CNTLN: variants seen among roughly 807,000 people sequenced by gnomAD.
CNTLN encodes centlein, centrosomal protein.
A neutral mutation model predicts 180.0 loss-of-function variants in CNTLN; 212 were observed. The observed-to-expected ratio is 1.18, with a 90% confidence interval of 1.05 to 1.32. The LOEUF is 1.32. Ranked by LOEUF, CNTLN falls within the 40% of genes most tolerant of loss-of-function variation. The pLI is 0.00. For synonymous variants in CNTLN, 722 were observed against 563.1 expected, an observed-to-expected ratio of 1.28 and a Z score of -3.99; for missense variants, 2,095 against 1,610.9, an observed-to-expected ratio of 1.30 and a Z score of -5.14.
chr9:17,327,053 A>T (rs897743664), intron 8 of CNTLN, among the ~76,000 whole-genome samples: 1 of 152,154 alleles, frequency 6.6e-6, no homozygotes, highest in African/African-American at 2.4e-5. Context: ...CTAATTTAAG[A>T]TGTTAATAAT....
rs866134023 is a variant in CNTLN, at chr9:17,265,252, C to T, written c.850-8481C>T. Among the ~76,000 whole-genome samples the T allele has an allele frequency of 5.3e-5, 8 of 151,276 alleles. No homozygotes were observed. The East Asian group carries it at 9.8e-4, about 18-fold the overall frequency. Reference sequence around the variant, plus strand: ...TTTATTGAGAGTTTTTAGCATGAAGCATTGTTGAATTTTGTCAAAGGCCTT... The same window carrying T: ...TTTATTGAGAGTTTTTAGCATGAAGTATTGTTGAATTTTGTCAAAGGCCTT... On this transcript the variant is annotated intron_variant, in intron 5 of 25. Transcript: ENST00000380647.
chr9:17,340,258 TA>T (rs1821368508), intron 10 of CNTLN, among the ~76,000 whole-genome samples: 2 of 152,224 alleles, frequency 1.3e-5, no homozygotes, highest in African/African-American at 4.8e-5. Context: ...TTAAGAGTTG[TA>T]AGCCTAGCTT....
intron 14 of CNTLN, among the ~76,000 whole-genome samples, chr9:17,391,126 C>G (rs1459871877): frequency 6.6e-6 from 1 of 152,088 alleles, no homozygotes; most frequent in Admixed American, 6.6e-5. Flanking sequence ...GAAAGGATAG[C>G]CATGTAGAAA....
chr9:17,142,303 T>C (rs1253301680), intron 1 of CNTLN, among the ~76,000 whole-genome samples: 1 of 152,136 alleles, frequency 6.6e-6, no homozygotes, highest in African/African-American at 2.4e-5. Context: ...ATTTTATATA[T>C]GGCCTAAGAT....
chr9:17,372,708 A>T (rs948392963), intron 13 of CNTLN, among the ~76,000 whole-genome samples: 1 of 152,190 alleles, frequency 6.6e-6, no homozygotes, highest in Admixed American at 6.5e-5. Flanking sequence ...CCTGATGAAC[A>T]TTGATGCAGA....
intron 5 of CNTLN, among the ~76,000 whole-genome samples, chr9:17,258,469 T>A (rs1826685871): frequency 6.6e-6 from 1 of 151,424 alleles, no homozygotes; most frequent in South Asian, 2.1e-4. Context: ...GGGCTCTCTT[T>A]TGGTTCCATA....
chr9:17,332,131 T>A (rs1195736055), intron 9 of CNTLN, among the ~76,000 whole-genome samples: 8 of 152,048 alleles, frequency 5.3e-5, no homozygotes, highest in Admixed American at 5.2e-4. Flanking sequence ...CATTATGGTA[T>A]AAGATCTACT....
intron 5 of CNTLN, among the ~76,000 whole-genome samples, chr9:17,263,305 T>A (rs1225956841): frequency 6.7e-6 from 1 of 149,458 alleles, no homozygotes; most frequent in East Asian, 2.0e-4. Context: ...TGGCTTTTTG[T>A]CCTTGCGATA....
intron 12 of CNTLN, among the ~76,000 whole-genome samples, chr9:17,362,707 A>T (rs1276341396): frequency 1.3e-5 from 2 of 151,702 alleles, no homozygotes; most frequent in South Asian, 2.1e-4. Flanking sequence ...TTTATTTTTA[A>T]TTTTTTTCTT....
In CNTLN at chr9:17,456,070, G is replaced by A. The variant is rs141824218; in HGVS notation, c.3115-1454G>A. Among the ~76,000 whole-genome samples, 469 of 152,088 alleles carry A rather than the reference G, an allele frequency of 3.1e-3. 6 individuals are homozygous for A. The highest frequency in any genetic ancestry group is 0.011 in the African/African-American group (449 of 41,472). On this transcript the variant is annotated intron_variant, in intron 18 of 25. Transcript: ENST00000380647. ...GTAATAATCTTAATGAGATAATGAGGGTTTGCATTAAGAGAGTGGCTGAAA... is the reference window on the plus strand; with the variant it reads ...GTAATAATCTTAATGAGATAATGAGAGTTTGCATTAAGAGAGTGGCTGAAA...
chr9:17,320,737 A>G (rs1438232924), intron 8 of CNTLN, among the ~76,000 whole-genome samples: 1 of 152,142 alleles, frequency 6.6e-6, no homozygotes, highest in African/African-American at 2.4e-5. Context: ...TCCTGATCTC[A>G]GGTGATCCAC....
the CNTLN span, among the ~76,000 whole-genome samples, chr9:17,522,297 G>T: frequency 6.6e-6 from 1 of 152,082 alleles, no homozygotes; most frequent in South Asian, 2.1e-4. Context: ...TTGTCGAGCT[G>T]TGTATCAGGC....
At chr9:17,297,506 A>G (rs772001415) in intron 6 of CNTLN, among the ~76,000 whole-genome samples, 28 of 152,314 alleles carry the variant, frequency 1.8e-4, no homozygotes, top group South Asian at 2.1e-4. Flanking sequence ...GGAAACCTCT[A>G]TCTCAAAGGT....
the CNTLN span, among the ~76,000 whole-genome samples, chr9:17,510,828 C>T: frequency 2.0e-5 from 3 of 152,184 alleles, no homozygotes; most frequent in Non-Finnish European, 4.4e-5. Context: ...ATAAAGCTAT[C>T]ATGAATATTC....
chr9:17,202,031 G>T (rs570134117), intron 2 of CNTLN, among the ~76,000 whole-genome samples: 10 of 152,178 alleles, frequency 6.6e-5, no homozygotes, highest in African/African-American at 2.2e-4. Context: ...CTGGTATGTT[G>T]TCTCTTTGTT....
At chr9:17,168,405 A>C (rs1227637057) in intron 2 of CNTLN, 3 of 152,214 alleles carry the variant, frequency 2.0e-5, no homozygotes, top group African/African-American at 7.2e-5. Context: ...AGAAATAAGT[A>C]ATATATGACC....
chr9:17,458,908 G>A (rs565507774), intron 19 of CNTLN, among the ~76,000 whole-genome samples: 6 of 151,840 alleles, frequency 4.0e-5, no homozygotes, highest in Non-Finnish European at 8.8e-5. Context: ...CTCTGAAAAT[G>A]TGGGATAAAA....
Position 17,457,522 on chromosome 9 carries a change from A to G in CNTLN, c.3115-2A>G, listed in dbSNP as rs752540987. The G allele has an allele frequency of 5.0e-6, 7 of 1,403,464 alleles. No homozygotes were observed. The highest frequency in any genetic ancestry group is 5.6e-6 in the Non-Finnish European group (6 of 1,066,440). The allele number at this position is 1,403,464 out of a possible 1,614,324, so 86.9% of individuals were successfully genotyped here. Reference sequence around the variant, plus strand: ...TATTTATTTTCTTTTTTTAAAAAAAAGAAGCTAAATTTGGATTTGGCTGGG... The same window carrying G: ...TATTTATTTTCTTTTTTTAAAAAAAGGAAGCTAAATTTGGATTTGGCTGGG... On this transcript the variant is annotated splice_acceptor_variant, in intron 18 of 25. Coordinates refer to ENST00000380647, the MANE Select transcript of CNTLN (RefSeq NM_017738.4). LOFTEE classifies it high-confidence loss of function.
At chr9:17,467,470 G>A (rs549800963) in intron 23 of CNTLN, among the ~76,000 whole-genome samples, 9 of 151,658 alleles carry the variant, frequency 5.9e-5, no homozygotes, top group Non-Finnish European at 8.9e-5. Flanking sequence ...AGTACTCCAC[G>A]AAGAGGAAAT....
Sources: allele counts gnomAD v4.1 joint callset (sites outside exome capture counted in the v4.1 genomes callset), GRCh38; gene constraint gnomAD v4.1.1; transcripts MANE v1.5; gene names NCBI Gene and HGNC (gene_info 2026-07-23, HGNC 2026-07-21).